The following UBE2J2 variants were observed in gnomAD, a reference collection of about 807,000 sequenced individuals.
UBE2J2 encodes the protein ubiquitin conjugating enzyme E2 J2.
In UBE2J2, 5 loss-of-function variants were observed where a neutral mutation model predicts 28.6. That is an observed-to-expected ratio of 0.17 (90% confidence interval 0.09 to 0.37). The LOEUF (loss-of-function observed/expected upper bound fraction) is 0.37, where lower values mean the gene tolerates loss of function less well. UBE2J2 is among the 10% of genes least tolerant of loss of function. The pLI, the probability that UBE2J2 is intolerant of heterozygous loss-of-function variation, is 1.00. For synonymous variants in UBE2J2, 138 were observed against 139.7 expected (o/e 0.99, Z 0.09); for missense variants, 226 against 338.9 (o/e 0.67, Z 2.62).
chr1:1,256,251 T>A (rs1047121691), intron 5 of UBE2J2, 126 bp from the exon 6 acceptor site: 18 of 655,466 alleles, frequency 2.7e-5, no homozygotes, highest in Non-Finnish European at 4.0e-5. Flanking sequence ...ATAAGCACAC[T>A]CTTCACAGCA....
intron 1 of UBE2J2, chr1:1,271,548 A>T (rs1002190320): frequency 6.6e-6 from 1 of 152,132 alleles, no homozygotes; most frequent in Admixed American, 6.5e-5. Context: ...TCACGATTCA[A>T]CTGCTGTTTC....
rs142877043 is a variant in UBE2J2 at position 1,255,392 on chromosome 1, G to A, written c.591C>T (p.Leu197=). 11,158 of 1,613,892 alleles carry A rather than the reference G, an allele frequency of 6.9e-3. 55 individuals are homozygous for A. Among genetic ancestry groups the A allele is most frequent in the Non-Finnish European group, 8.3e-3 (9,794 of 1,180,024 alleles). Residue 197 remains leucine, a synonymous_variant, in exon 7 of 7, where the codon CTC becomes CTT. Coordinates refer to ENST00000349431, the MANE Select transcript of UBE2J2 (RefSeq NM_058167.3). ...PDVVPDGETH[L]VQNGIQLLNG... ...TGAGCAGCTGAATCCCGTTCTGGAC[G>A]AGGTGCGTCTCCCCGTCTGGAACCA...
At position 1,268,472 on chromosome 1, in the gene UBE2J2, C is replaced by T. The variant is rs1023860545; in HGVS notation, c.1-480G>A. 1.3e-5 allele frequency among the ~76,000 whole-genome samples: 2 copies of T among 152,150 alleles called. No homozygotes were observed. Among genetic ancestry groups the T allele is most frequent in the African/African-American group, 4.8e-5 (2 of 41,430 alleles). On this transcript the variant is annotated intron_variant, in intron 1 of 6. Coordinates refer to ENST00000349431, the MANE Select transcript of UBE2J2 (RefSeq NM_058167.3). The surrounding 1 kb of genome is among the most constrained non-coding windows in gnomAD (Gnocchi z 4.7). The stretch of plus-strand genomic sequence containing the variant: ...CGGAAGCCCGCTGCCCAGCATTTAC[C>T]ACTAGCCACAAGCAAAACGAGCCGC...
At chr1:1,257,179 A>G (rs1328761491) in intron 4 of UBE2J2, 29 bp downstream of exon 4, 7 of 1,601,770 alleles carry the variant, frequency 4.4e-6, no homozygotes, top group Non-Finnish European at 4.3e-6. Flanking sequence ...GCAGCCAGAA[A>G]GCCTCCGCGG....
chr1:1,255,913 G>A, intron 6 of UBE2J2, 132 bp downstream of exon 6: 1 of 727,736 alleles, frequency 1.4e-6, no homozygotes, highest in Admixed American at 2.3e-5. Context: ...CCTGCCTCGG[G>A]GCTCCTGGGG....
intron 2 of UBE2J2, 83 bp from the exon 3 acceptor site, chr1:1,263,469 G>A: frequency 3.3e-6 from 4 of 1,228,330 alleles, no homozygotes; most frequent in Non-Finnish European, 3.6e-6. Flanking sequence ...GGGGTTTATA[G>A]AACCCAGCCA....
intron 2 of UBE2J2, among the ~76,000 whole-genome samples, chr1:1,265,662 T>G (rs1490874014): frequency 6.8e-6 from 1 of 147,802 alleles, no homozygotes; most frequent in Admixed American, 6.8e-5. Flanking sequence ...GGAGTCTCAC[T>G]CTGTCGCCAG....
At chr1:1,262,343 T>G (rs1447049386) in intron 3 of UBE2J2, 1 of 456,122 alleles carries the variant, frequency 2.2e-6, no homozygotes, top group Non-Finnish European at 4.4e-6. Context: ...ACAGATGTAC[T>G]CCCGCACTCT....
chr1:1,265,056 C>A (rs998791630), intron 2 of UBE2J2, among the ~76,000 whole-genome samples: 2 of 152,176 alleles, frequency 1.3e-5, no homozygotes, highest in African/African-American at 4.8e-5. Flanking sequence ...GCGATGCACC[C>A]AGGAATGTGG....
intron 3 of UBE2J2, among the ~76,000 whole-genome samples, chr1:1,258,180 T>C (rs561447236): frequency 2.6e-4 from 39 of 150,906 alleles, no homozygotes; most frequent in South Asian, 1.1e-3. Flanking sequence ...GTTGGGACTA[T>C]AGGCGCGCGC....
intron 2 of UBE2J2, among the ~76,000 whole-genome samples, chr1:1,265,360 T>C (rs1408477370): frequency 2.0e-5 from 3 of 152,222 alleles, no homozygotes; most frequent in Non-Finnish European, 4.4e-5. Flanking sequence ...GTCTGGTATT[T>C]TGGTATTTTG....
chr1:1,258,479 A>G (rs1304955054), intron 3 of UBE2J2, among the ~76,000 whole-genome samples: 1 of 126,742 alleles, frequency 7.9e-6, no homozygotes, highest in Non-Finnish European at 1.7e-5. Flanking sequence ...CTCTTCGCCC[A>G]CCCAAGCACA....
chr1:1,270,431 G>A (rs1640091664), intron 1 of UBE2J2, among the ~76,000 whole-genome samples: 1 of 151,994 alleles, frequency 6.6e-6, no homozygotes, highest in African/African-American at 2.4e-5. Flanking sequence ...ACACACCCAG[G>A]GCCTGGAGTG....
chr1:1,259,254 G>T (rs1557553209), intron 3 of UBE2J2, among the ~76,000 whole-genome samples: 1 of 150,616 alleles, frequency 6.6e-6, no homozygotes. Context: ...ATGCCATCAG[G>T]ACACGTGTGT....
At chr1:1,270,344 G>A (rs1640084513) in intron 1 of UBE2J2, among the ~76,000 whole-genome samples, 1 of 152,092 alleles carries the variant, frequency 6.6e-6, no homozygotes, top group African/African-American at 2.4e-5. Flanking sequence ...CCTCCTCAGA[G>A]AACCACCACC....
chr1:1,273,243 A>G (rs1006706611), intron 1 of UBE2J2: 1 of 152,110 alleles, frequency 6.6e-6, no homozygotes, highest in Non-Finnish European at 1.5e-5. Flanking sequence ...GCTGGCCCTA[A>G]GCACAGTCCC....
At position 1,254,805 on chromosome 1, in the gene UBE2J2, G is replaced by C. The variant is rs1191992577; in HGVS notation, c.*398C>G. ...GGCCCCGAGGTTCCCACCCGCTGAG[G>C]AGCCGGGAGCTCCGAGAAACGCGCC... On this transcript the variant is annotated 3_prime_UTR_variant, in exon 7 of 7. Coordinates refer to ENST00000349431, the MANE Select transcript of UBE2J2 (RefSeq NM_058167.3). 1 of 164,526 alleles carries C rather than the reference G, an allele frequency of 6.1e-6. No individual in the cohort carries two copies. Among genetic ancestry groups the C allele is most frequent in the African/African-American group, 2.4e-5 (1 of 41,882 alleles). The allele number at this position is 164,526 out of a possible 1,614,324, so 10.2% of individuals were successfully genotyped here.
At chr1:1,272,386 G>T (rs1640198543) in intron 1 of UBE2J2, among the ~76,000 whole-genome samples, 1 of 152,344 alleles carries the variant, frequency 6.6e-6, no homozygotes, top group Admixed American at 6.5e-5. Context: ...TGCTGAGGCA[G>T]TGGCTGCCCA....
chr1:1,267,813 G>A (rs549216999), intron 2 of UBE2J2, 49 bp downstream of exon 2: 1 of 1,600,662 alleles, frequency 6.2e-7, no homozygotes, highest in South Asian at 1.1e-5. Context: ...GCAGAGGCCT[G>A]CGTGGCAGCG....
Sources: allele counts gnomAD v4.1 joint callset (sites outside exome capture counted in the v4.1 genomes callset), GRCh38; gene constraint gnomAD v4.1.1; non-coding constraint Gnocchi (gnomAD v3.1); transcripts MANE v1.5; gene names NCBI Gene and HGNC (gene_info 2026-07-23, HGNC 2026-07-21).